The following STAG2 variants were observed in gnomAD, a reference collection of about 807,000 sequenced individuals.
The protein encoded by STAG2 is cohesin subunit SA-2.
Under a neutral mutation model 108.1 loss-of-function variants are expected in STAG2, and 14 were observed. The ratio of observed to expected loss-of-function variants is 0.13; its 90% CI spans 0.09 to 0.20. The LOEUF (loss-of-function observed/expected upper bound fraction) is 0.20. Among genes scored for constraint, STAG2 ranks in the 10% least tolerant of loss-of-function variants. The pLI is 1.00. For synonymous variants in STAG2, 307 were observed against 302.7 expected (o/e 1.01, Z -0.15); for missense variants, 440 against 940.9 (o/e 0.47, Z 6.96).
rs1040874845 is a variant in STAG2 at position 123,961,875 on chromosome X, A to T, written c.-163+19A>T. 8.9e-6 allele frequency: 1 copy of T among 111,805 alleles called. No homozygotes were observed. The highest frequency in any genetic ancestry group is 1.9e-5 in the Non-Finnish European group (1 of 52,975). 9.2% of individuals were successfully genotyped at this position (111,805 alleles called of 1,213,427 possible). On this transcript the variant is annotated intron_variant, in intron 1 of 34. Coordinates refer to ENST00000371145, the MANE Select transcript of STAG2 (RefSeq NM_001042750.2). ...GACTTCGGTCAGTTTTCTTCGGGCA[A>T]CAATTTTCTAAATTGGCTGGGGTCT... is the stretch of plus-strand genomic sequence containing the variant.
chrX:123,999,802 C>T (rs1052267976), intron 1 of STAG2, among the ~76,000 whole-genome samples: 23 of 110,448 alleles, frequency 2.1e-4, no homozygotes, highest in Non-Finnish European at 7.6e-5. Flanking sequence ...TTTTGTGTAG[C>T]CGGGGTTTCT....
intron 1 of STAG2, among the ~76,000 whole-genome samples, chrX:124,008,801 C>T (rs1007037699): frequency 2.7e-5 from 3 of 111,825 alleles, no homozygotes; most frequent in African/African-American, 9.8e-5. Context: ...GAGATCCTTG[C>T]ATATGAATAA....
intron 32 of STAG2, among the ~76,000 whole-genome samples, chrX:124,092,255 C>T (rs776589785): frequency 1.8e-5 from 2 of 111,665 alleles, no homozygotes; most frequent in African/African-American, 3.3e-5. Flanking sequence ...AAGGTATACT[C>T]TATTACACGT....
intron 1 of STAG2, among the ~76,000 whole-genome samples, chrX:123,969,963 T>G (rs1312519570): frequency 3.0e-5 from 3 of 101,635 alleles, no homozygotes; most frequent in African/African-American, 7.5e-5. Context: ...TTTTTTTTTT[T>G]TTTTTTTTTT....
At position 123,977,646 on chromosome X, in the gene STAG2, G is replaced by GA. The variant is rs201068236; in HGVS notation, c.-163+15798dup. ...CAGAAACATTTCCTTTAAAAATAAT[G>GA]AAAAAAAATAGAAAAATTAGTCCAT... is the stretch of plus-strand genomic sequence containing the variant. On this transcript the variant is annotated intron_variant, in intron 1 of 34. Coordinates refer to ENST00000371145, the MANE Select transcript of STAG2 (RefSeq NM_001042750.2). 6.3e-3 allele frequency among the ~76,000 whole-genome samples: 690 copies of GA among 109,378 alleles called. 9 individuals are homozygous for GA. Among genetic ancestry groups the GA allele is most frequent in the African/African-American group, 0.022 (650 of 30,097 alleles). 95.0% of individuals were successfully genotyped at this position (109,378 alleles called of 115,157 possible). A position where few individuals can be genotyped will look rare whatever the true frequency, so the allele number is the denominator to read the frequency against.
At chrX:124,091,416 A>G (rs1346670510) in intron 32 of STAG2, among the ~76,000 whole-genome samples, 1 of 112,012 alleles carries the variant, frequency 8.9e-6, no homozygotes, top group African/African-American at 3.2e-5. Flanking sequence ...TTACTATTCT[A>G]GAATAAAAAT....
chrX:124,085,028 T>C (rs771154970), intron 29 of STAG2, among the ~76,000 whole-genome samples: 10 of 112,218 alleles, frequency 8.9e-5, no homozygotes, highest in Admixed American at 3.8e-4. Flanking sequence ...AAAAGAATGA[T>C]GGCTGTTTGA....
chrX:123,986,480 A>G, intron 1 of STAG2, among the ~76,000 whole-genome samples: 1 of 111,475 alleles, frequency 9.0e-6, no homozygotes, highest in Non-Finnish European at 1.9e-5. Context: ...AAACATTTGA[A>G]TTTATTTTGA....
At chrX:124,077,002 T>C (rs1318511505) in intron 26 of STAG2, among the ~76,000 whole-genome samples, 1 of 111,357 alleles carries the variant, frequency 9.0e-6, no homozygotes, top group Non-Finnish European at 1.9e-5. Flanking sequence ...AAGTTGAAAG[T>C]AGTGATAAAC....
intron 4 of STAG2, among the ~76,000 whole-genome samples, chrX:124,026,384 A>G (rs2057105251): frequency 9.0e-6 from 1 of 111,391 alleles, no homozygotes; most frequent in Non-Finnish European, 1.9e-5. Context: ...TATGAAAGAT[A>G]AAAAATTACA....
chrX:124,071,682 A>G (rs1444836738), intron 25 of STAG2, among the ~76,000 whole-genome samples: 1 of 112,109 alleles, frequency 8.9e-6, no homozygotes, highest in African/African-American at 3.2e-5. Context: ...TGGTAATACC[A>G]ATATGCAGAT....
At chrX:124,043,205 T>C (rs2057774323) in intron 7 of STAG2, among the ~76,000 whole-genome samples, 2 of 103,636 alleles carry the variant, frequency 1.9e-5, no homozygotes, top group South Asian at 1.1e-3. Context: ...ATGATCTCAC[T>C]GCAACCTCTG....
rs185240123 is a variant in STAG2, at chrX:124,006,978, G to T, written c.-162-14389G>T. ...TAGTGTAGCAGACAACAGAAGTATT[G>T]TATGAAGTTTAATTTTCTTTCCTTC... On this transcript the variant is annotated intron_variant, in intron 1 of 34. Transcript: ENST00000371145. Among the ~76,000 whole-genome samples, 97 of 111,066 alleles carry T rather than the reference G, an allele frequency of 8.7e-4. 1 individual carries two copies. Among genetic ancestry groups the T allele is most frequent in the African/African-American group, 3.0e-3 (92 of 30,577 alleles).
chrX:124,008,124 A>G (rs1455688236), intron 1 of STAG2, among the ~76,000 whole-genome samples: 2 of 111,662 alleles, frequency 1.8e-5, no homozygotes, highest in Non-Finnish European at 3.8e-5. Context: ...ATATTTGGCA[A>G]ACATCTTCAG....
At chrX:124,096,546 G>A (rs1039959049) in intron 34 of STAG2, among the ~76,000 whole-genome samples, 4 of 111,382 alleles carry the variant, frequency 3.6e-5, no homozygotes, top group Admixed American at 9.6e-5. Context: ...TGTGTAGTGA[G>A]ATAGGATATT....
intron 1 of STAG2, among the ~76,000 whole-genome samples, chrX:123,999,669 T>C (rs2055931711): frequency 9.0e-6 from 1 of 111,359 alleles, no homozygotes; most frequent in Non-Finnish European, 1.9e-5. Context: ...TGGAGTGCAG[T>C]GGTGCTATCT....
intron 33 of STAG2, among the ~76,000 whole-genome samples, chrX:124,094,508 T>C (rs758239007): frequency 8.9e-6 from 1 of 112,403 alleles, no homozygotes; most frequent in African/African-American, 3.2e-5. Context: ...CAAAACAATA[T>C]ATTAATACTA....
intron 1 of STAG2, among the ~76,000 whole-genome samples, chrX:124,002,781 C>T (rs1008093064): frequency 3.7e-5 from 4 of 108,059 alleles, no homozygotes; most frequent in African/African-American, 1.0e-4. Context: ...CCTGCCACCA[C>T]GCTTGGCAAT....
At chrX:124,042,709 T>C in intron 7 of STAG2, 64 bp downstream of exon 7, 1 of 843,170 alleles carries the variant, frequency 1.2e-6, no homozygotes, top group Non-Finnish European at 1.8e-6. Flanking sequence ...TTTTTGAAAG[T>C]ATTATTAAAT....
Sources: allele counts gnomAD v4.1 joint callset (sites outside exome capture counted in the v4.1 genomes callset), GRCh38; gene constraint gnomAD v4.1.1; transcripts MANE v1.5; gene names NCBI Gene and HGNC (gene_info 2026-07-23, HGNC 2026-07-21).